CLDN16: variants seen among roughly 807,000 people sequenced by gnomAD.
CLDN16 encodes the protein claudin 16, also known as claudin-16.
A neutral mutation model predicts 24.6 loss-of-function variants in CLDN16; 13 were observed. That is an observed-to-expected ratio of 0.53 (90% CI 0.34 to 0.84). CLDN16 has a LOEUF of 0.84. Among genes scored for constraint, CLDN16 ranks in the 40% least tolerant of loss-of-function variants. CLDN16 has a pLI of 0.01. For synonymous variants in CLDN16, 116 were observed against 106.7 expected, an observed-to-expected ratio of 1.09 and a Z score of -0.54; for missense variants, 298 against 292.7, an observed-to-expected ratio of 1.02 and a Z score of -0.13.
intron 2 of CLDN16, chr3:190,371,025 T>C (rs2108647228): frequency 6.9e-6 from 1 of 144,900 alleles, no homozygotes; most frequent in East Asian, 2.0e-4. Context: ...TTTATATATA[T>C]ATATATATAT....
chr3:190,361,993 G>T (rs1374449720), intron 1 of CLDN16, among the ~76,000 whole-genome samples: 1 of 137,770 alleles, frequency 7.3e-6, no homozygotes, highest in Admixed American at 7.5e-5. Flanking sequence ...TATACAAATG[G>T]CACACCTGGT....
At chr3:190,402,150 G>T (rs1718978628) in intron 1 of CLDN16, among the ~76,000 whole-genome samples, 187 bp from the exon 2 acceptor site, 1 of 152,144 alleles carries the variant, frequency 6.6e-6, no homozygotes, top group African/African-American at 2.4e-5. Flanking sequence ...GGCCCAGAAA[G>T]GCTTCAATTG....
chr3:190,375,784 G>C (rs4687139), intron 3 of CLDN16, among the ~76,000 whole-genome samples: 84,904 of 151,546 alleles, frequency 0.56, 24,099 homozygotes, highest in African/African-American at 0.64. Flanking sequence ...TTCGGCTTCT[G>C]CAACTAAATT....
At chr3:190,350,228 G>T (rs1717641447) in intron 1 of CLDN16, among the ~76,000 whole-genome samples, 1 of 151,980 alleles carries the variant, frequency 6.6e-6, no homozygotes, top group Non-Finnish European at 1.5e-5. Flanking sequence ...TTTGAGACAT[G>T]ATTCATTTTA....
chr3:190,344,610 C>T (rs151048849), intron 1 of CLDN16, among the ~76,000 whole-genome samples: 222 of 151,268 alleles, frequency 1.5e-3, no homozygotes, highest in African/African-American at 5.0e-3. Context: ...TACTTTTAGT[C>T]GACACTTTTA....
chr3:190,394,761 T>G (rs1718773162), intron 1 of CLDN16, among the ~76,000 whole-genome samples: 1 of 152,144 alleles, frequency 6.6e-6, no homozygotes, highest in Non-Finnish European at 1.5e-5. Context: ...AAATCTCACA[T>G]TGAACCTTAA....
intron 1 of CLDN16, among the ~76,000 whole-genome samples, chr3:190,343,335 G>T (rs571740637): frequency 6.6e-6 from 1 of 152,004 alleles, no homozygotes; most frequent in East Asian, 1.9e-4. Context: ...GTGGAAGAAA[G>T]GGAAGCCTTG....
the CLDN16 span, chr3:190,307,969 T>C: frequency 4.5e-6 from 1 of 220,954 alleles, no homozygotes; most frequent in South Asian, 7.5e-5. Context: ...TAGAAAAACA[T>C]GTATATATAC....
At chr3:190,395,912 G>GAC (rs1029704806) in intron 1 of CLDN16, among the ~76,000 whole-genome samples, 3 of 151,918 alleles carry the variant, frequency 2.0e-5, no homozygotes, top group Non-Finnish European at 2.9e-5. Context: ...TAGATAGATA[G>GAC]ACACACACAC....
intron 1 of CLDN16, among the ~76,000 whole-genome samples, chr3:190,359,704 G>A (rs1234037810): frequency 6.6e-6 from 1 of 152,008 alleles, no homozygotes; most frequent in Non-Finnish European, 1.5e-5. Flanking sequence ...AAAGTAGCAT[G>A]GGAGCACTGA....
intron 1 of CLDN16, among the ~76,000 whole-genome samples, chr3:190,370,572 T>C (rs1307609043): frequency 6.6e-6 from 1 of 151,980 alleles, no homozygotes; most frequent in Non-Finnish European, 1.5e-5. Flanking sequence ...ATCTGAATGA[T>C]GAGCTAAACC....
intron 1 of CLDN16, among the ~76,000 whole-genome samples, chr3:190,369,928 T>C (rs961288931): frequency 6.6e-6 from 1 of 152,036 alleles, no homozygotes; most frequent in African/African-American, 2.4e-5. Context: ...AAACCTGTGA[T>C]GTTTTCACAA....
rs751959432 is a variant in CLDN16 at position 190,402,444 on chromosome 3, G to C, written c.217+5G>C. On this transcript the variant is annotated splice_donor_5th_base_variant and intron_variant, in intron 2 of 4. Coordinates refer to ENST00000264734, the MANE Select transcript of CLDN16 (RefSeq NM_006580.4). ...CCATACTTGCGGAGCATCCCTGTAC[G>C]TATGCCTTAGAGCTCACTGCTTGCC... The C allele has an allele frequency of 6.3e-7, 1 of 1,599,654 alleles. No homozygotes were observed. Among genetic ancestry groups the C allele is most frequent in the African/African-American group, 1.3e-5 (1 of 74,538 alleles).
At chr3:190,373,820 A>C (rs1385842661) in intron 2 of CLDN16, among the ~76,000 whole-genome samples, 3 of 140,544 alleles carry the variant, frequency 2.1e-5, no homozygotes, top group Non-Finnish European at 4.6e-5. Context: ...ATATATTTTA[A>C]ATTGCCTATA....
rs767423701 is a variant in CLDN16 at position 190,408,453 on chromosome 3, G to T, written c.522G>T (p.Leu174=). The part of the protein sequence containing the change: ...WSCWLGMAGS[L]GCFLAGAVLT... ...GTTGGCTCGGAATGGCTGGGTCTCT[G>T]GGTTGCTTTTTGGCTGGAGCTGTTC... The change falls in exon 4 of 5, where the codon CTG becomes CTT. Residue 174 remains leucine (L), a synonymous_variant. Transcript: ENST00000264734. 2 of 1,613,926 alleles carry T rather than the reference G, an allele frequency of 1.2e-6. No individual in the cohort carries two copies. Among genetic ancestry groups the T allele is most frequent in the Admixed American group, 3.3e-5 (2 of 59,992 alleles).
upstream of CLDN16, chr3:190,387,771 A>G (rs1273406876): frequency 2.2e-5 from 7 of 320,662 alleles, no homozygotes; most frequent in Non-Finnish European, 3.6e-5. Context: ...TTGAGCGAGC[A>G]CTTGTTTAGC....
chr3:190,331,081 A>G (rs945677128), intron 1 of CLDN16, among the ~76,000 whole-genome samples: 42 of 152,200 alleles, frequency 2.8e-4, no homozygotes, highest in Non-Finnish European at 4.0e-4. Context: ...AATGAATTTG[A>G]AACTGATTTT....
At chr3:190,341,598 G>T (rs371100138) in intron 1 of CLDN16, among the ~76,000 whole-genome samples, 2 of 152,266 alleles carry the variant, frequency 1.3e-5, no homozygotes, top group East Asian at 3.9e-4. Context: ...TGCCACAAAG[G>T]TCTCTCACAT....
chr3:190,311,916 C>T, the CLDN16 span, among the ~76,000 whole-genome samples: 1 of 151,450 alleles, frequency 6.6e-6, no homozygotes, highest in Non-Finnish European at 1.5e-5. Context: ...ACTTATCAAT[C>T]AACACTTGAA....
Sources: allele counts gnomAD v4.1 joint callset (sites outside exome capture counted in the v4.1 genomes callset), GRCh38; gene constraint gnomAD v4.1.1; transcripts MANE v1.5; gene names NCBI Gene and HGNC (gene_info 2026-07-23, HGNC 2026-07-21).